The following PIWIL2 variants were observed in gnomAD, a reference collection of about 807,000 sequenced individuals.
PIWIL2 encodes piwi-like protein 2.
Under a neutral mutation model 116.5 loss-of-function variants are expected in PIWIL2, and 81 were observed. The observed-to-expected ratio is 0.70, with a 90% confidence interval of 0.58 to 0.84. The LOEUF is 0.84. PIWIL2 is among the 40% of genes least tolerant of loss of function. The pLI, the probability that PIWIL2 is intolerant of heterozygous loss-of-function variation, is 0.00. For missense variants in PIWIL2, 1,272 were observed against 1,212.3 expected, an observed-to-expected ratio of 1.05 and a Z score of -0.73; for synonymous variants, 489 against 429.5, an observed-to-expected ratio of 1.14 and a Z score of -1.71.
intron 7 of PIWIL2, 62 bp from the exon 8 acceptor site, chr8:22,288,480 G>T: frequency 7.3e-7 from 1 of 1,370,372 alleles, no homozygotes; most frequent in Non-Finnish European, 1.0e-6. Flanking sequence ...AATTAGATTA[G>T]GACTTGGTCA....
chr8:22,355,487 G>T lies in PIWIL2; in HGVS notation c.2904G>T (p.Glu968Asp). Residue 968 changes from glutamate (E) to aspartate (D), a missense_variant, in exon 23 of 23, where the codon GAG becomes GAT. Coordinates refer to ENST00000356766, the MANE Select transcript of PIWIL2 (RefSeq NM_018068.5). ...ATGAACCAGCCATCCAGCTGTGCGA[G>T]AACCTGTTCTTCCTGTGACTGCACA... ...LHHEPAIQLC[E>D]NLFFL 1 of 1,614,114 alleles carries T rather than the reference G, an allele frequency of 6.2e-7. No individual in the cohort carries two copies.
At chr8:22,345,478 T>C (rs777319105) in intron 20 of PIWIL2, among the ~76,000 whole-genome samples, 7 of 151,904 alleles carry the variant, frequency 4.6e-5, no homozygotes, top group Middle Eastern at 3.4e-3. Context: ...CTGGGCAACA[T>C]GGCGAAACCG....
intron 10 of PIWIL2, among the ~76,000 whole-genome samples, chr8:22,298,950 CA>C (rs972782944): frequency 4.6e-5 from 7 of 152,138 alleles, no homozygotes; most frequent in Admixed American, 2.6e-4. Flanking sequence ...AGTTGGCTTG[CA>C]AAAGTGTGTT....
chr8:22,335,292 C>G (rs80321794), intron 20 of PIWIL2, among the ~76,000 whole-genome samples: 9,210 of 152,122 alleles, frequency 0.061, 348 homozygotes, highest in Admixed American at 0.091. Context: ...TAACTGAACT[C>G]AACACTCAAA....
chr8:22,352,457 G>A (rs770037579), intron 20 of PIWIL2, among the ~76,000 whole-genome samples: 2 of 152,198 alleles, frequency 1.3e-5, no homozygotes, highest in Non-Finnish European at 2.9e-5. Context: ...AGACTGTAGG[G>A]TAATATTTAG....
rs1831021914 is a variant in PIWIL2, at chr8:22,300,549, GGTAGGTGTGT to G, written c.1182-3469_1182-3460del. On this transcript the variant is annotated intron_variant, in intron 10 of 22. Transcript: ENST00000356766. ...CTGGGAGCGGAATGGCGAGTCATAT[GGTAGGTGTGT>G]GTTTAATTTTATAAGAAAGTCTTTC... is the stretch of plus-strand genomic sequence containing the variant. Among the ~76,000 whole-genome samples the G allele has an allele frequency of 2.0e-5, 3 of 152,182 alleles. No individual in the cohort carries two copies. In the South Asian group the frequency reaches 6.2e-4, roughly 31 times the overall value.
At chr8:22,317,020 T>C (rs1404625549) in intron 19 of PIWIL2, among the ~76,000 whole-genome samples, 1 of 152,122 alleles carries the variant, frequency 6.6e-6, no homozygotes, top group Non-Finnish European at 1.5e-5. Context: ...GCTTAAGTGA[T>C]CCACCTGCCT....
At chr8:22,305,578 A>G (rs920253141) in intron 12 of PIWIL2, among the ~76,000 whole-genome samples, 2 of 152,194 alleles carry the variant, frequency 1.3e-5, no homozygotes, top group Admixed American at 1.3e-4. Context: ...ATTGAAGACC[A>G]GTAGGATACA....
chr8:22,349,015 T>TA (rs893849631), intron 20 of PIWIL2, among the ~76,000 whole-genome samples: 6 of 151,804 alleles, frequency 4.0e-5, no homozygotes, highest in African/African-American at 1.5e-4. Flanking sequence ...TGCCAGTAGT[T>TA]ACCAAAGTCA....
chr8:22,315,490 TA>T (rs1482696529), intron 18 of PIWIL2, among the ~76,000 whole-genome samples: 2 of 147,106 alleles, frequency 1.4e-5, no homozygotes, highest in Non-Finnish European at 2.9e-5. Context: ...CTAATTTTTG[TA>T]TTTTTAGTAC....
intron 20 of PIWIL2, among the ~76,000 whole-genome samples, chr8:22,338,438 C>T (rs1832030034): frequency 6.6e-6 from 1 of 152,160 alleles, no homozygotes; most frequent in Non-Finnish European, 1.5e-5. Context: ...CGCCTGTAAT[C>T]TTAGCACTTT....
intron 1 of PIWIL2, among the ~76,000 whole-genome samples, chr8:22,276,296 C>T (rs1445439430): frequency 6.6e-6 from 1 of 152,156 alleles, no homozygotes; most frequent in Non-Finnish European, 1.5e-5. Flanking sequence ...GTAGCTAATA[C>T]TTAAGACAGC....
Position 22,349,051 on chromosome 8 carries a change from CTTTTT to C in PIWIL2, c.2404-3897_2404-3893del, listed in dbSNP as rs35385064. On this transcript the variant is annotated intron_variant, in intron 20 of 22. Coordinates refer to ENST00000356766, the MANE Select transcript of PIWIL2 (RefSeq NM_018068.5). Reference sequence around the variant, plus strand: ...AATTTGATTTCTATTTTTCTTTTTTCTTTTTTTTTTTTTTTGAGATGGGATCTCAC... The same window carrying C: ...AATTTGATTTCTATTTTTCTTTTTTCTTTTTTTTTTGAGATGGGATCTCAC... Among the ~76,000 whole-genome samples the C allele has an allele frequency of 6.3e-3, 864 of 136,792 alleles. 13 individuals are homozygous for C. Among genetic ancestry groups the C allele is most frequent in the African/African-American group, 0.022 (815 of 37,572 alleles). 89.7% of individuals were successfully genotyped at this position (136,792 alleles called of 152,430 possible). A position where few individuals can be genotyped will look rare whatever the true frequency, so the allele number is the denominator to read the frequency against.
At chr8:22,339,559 C>T (rs2132092307) in intron 20 of PIWIL2, among the ~76,000 whole-genome samples, 1 of 152,010 alleles carries the variant, frequency 6.6e-6, no homozygotes, top group South Asian at 2.1e-4. Context: ...ATCTTTGTGA[C>T]CATGTCTATT....
At position 22,332,242 on chromosome 8, in the gene PIWIL2, G is replaced by C. The variant is rs1197688605; in HGVS notation, c.2403+13967G>C. 2.0e-5 allele frequency among the ~76,000 whole-genome samples: 3 copies of C among 152,144 alleles called. 1 individual carries two copies. The highest frequency in any genetic ancestry group is 1.3e-4 in the Admixed American group (2 of 15,260). On this transcript the variant is annotated intron_variant, in intron 20 of 22. Transcript: ENST00000356766. ...ACAGCTTGAACCTGGGAGGCAGGCA[G>C]AGGTTATAGTGAGCTGAGATTGTGC...
chr8:22,348,286 C>T (rs905543687), intron 20 of PIWIL2, among the ~76,000 whole-genome samples: 1 of 151,986 alleles, frequency 6.6e-6, no homozygotes, highest in Non-Finnish European at 1.5e-5. Flanking sequence ...GGTGACTGAG[C>T]GAGACTCCAT....
intron 16 of PIWIL2, among the ~76,000 whole-genome samples, 184 bp downstream of exon 16, chr8:22,311,484 A>AAC (rs1586567087): frequency 6.6e-6 from 1 of 151,882 alleles, no homozygotes; most frequent in East Asian, 1.9e-4. Flanking sequence ...TGCTTCTCTC[A>AAC]CTCTGTGTTG....
intron 20 of PIWIL2, among the ~76,000 whole-genome samples, chr8:22,327,024 CT>C (rs71544876): frequency 1.6e-3 from 173 of 105,420 alleles, no homozygotes; most frequent in African/African-American, 5.2e-3. Flanking sequence ...TGTTTTTTTA[CT>C]TTTTTTTTTT....
At chr8:22,323,017 A>G (rs973171795) in intron 20 of PIWIL2, among the ~76,000 whole-genome samples, 24 of 151,160 alleles carry the variant, frequency 1.6e-4, no homozygotes, top group African/African-American at 5.6e-4. Flanking sequence ...CCCCGGTTCA[A>G]GCACTTCTGC....
Sources: gnomAD v4.1 joint callset for allele counts (sites outside exome capture counted in the v4.1 genomes callset) on GRCh38, gnomAD v4.1.1 for gene constraint, MANE v1.5 for transcripts, NCBI Gene and HGNC (gene_info 2026-07-23, HGNC 2026-07-21) for gene names.